Variants in RABGAP1L observed in about 807,000 individuals in gnomAD.
RABGAP1L encodes rab GTPase-activating protein 1-like.
RABGAP1L carries 63 observed loss-of-function variants against 137.7 expected under a neutral mutation model. The ratio of observed to expected loss-of-function variants is 0.46; its 90% CI spans 0.37 to 0.56. The LOEUF (loss-of-function observed/expected upper bound fraction) is 0.56. RABGAP1L is among the 20% of genes least tolerant of loss of function. The probability of loss-of-function intolerance (pLI) is 0.00; values close to 1 mark genes in which losing one functional copy is unlikely to be tolerated. For synonymous variants in RABGAP1L, 431 were observed against 433.7 expected (o/e 0.99, Z 0.08); for missense variants, 1,095 against 1,244.0 (o/e 0.88, Z 1.80).
intron 13 of RABGAP1L, among the ~76,000 whole-genome samples, chr1:174,615,911 C>A (rs1044624175): frequency 6.6e-6 from 1 of 152,220 alleles, no homozygotes; most frequent in African/African-American, 2.4e-5. Flanking sequence ...CCTGGTGCGC[C>A]GTTTTTTAAG....
intron 18 of RABGAP1L, among the ~76,000 whole-genome samples, chr1:174,779,685 C>CGAA (rs1686805286): frequency 6.6e-6 from 1 of 152,150 alleles, no homozygotes; most frequent in Non-Finnish European, 1.5e-5. Context: ...AGAAAGAAAT[C>CGAA]ATACTAACCC....
chr1:174,578,695 A>G (rs759166042), intron 13 of RABGAP1L, among the ~76,000 whole-genome samples: 1 of 152,186 alleles, frequency 6.6e-6, no homozygotes, highest in Non-Finnish European at 1.5e-5. Context: ...TAGTTTATGT[A>G]GTGGAATGGA....
chr1:174,420,259 T>G (rs1008359349), intron 13 of RABGAP1L, among the ~76,000 whole-genome samples: 1 of 151,298 alleles, frequency 6.6e-6, no homozygotes, highest in Non-Finnish European at 1.5e-5. Flanking sequence ...AAAGGTATTG[T>G]GACAAACAGC....
chr1:174,511,457 A>G (rs1327797482), intron 13 of RABGAP1L, among the ~76,000 whole-genome samples: 3 of 152,198 alleles, frequency 2.0e-5, no homozygotes, highest in Non-Finnish European at 2.9e-5. Flanking sequence ...AAATTAAGCC[A>G]TAATTTCTGC....
intron 18 of RABGAP1L, among the ~76,000 whole-genome samples, chr1:174,768,968 T>C (rs1211967100): frequency 6.6e-6 from 1 of 152,132 alleles, no homozygotes; most frequent in Non-Finnish European, 1.5e-5. Context: ...TCTTTTACCC[T>C]CTATCAGAAA....
chr1:174,533,023 G>A (rs1191738873), intron 13 of RABGAP1L, among the ~76,000 whole-genome samples: 1 of 152,034 alleles, frequency 6.6e-6, no homozygotes, highest in East Asian at 1.9e-4. Context: ...TCACGAGGTC[G>A]GGAGATCAAG....
chr1:174,267,815 A>G (rs1375087995), intron 7 of RABGAP1L, among the ~76,000 whole-genome samples: 1 of 152,226 alleles, frequency 6.6e-6, no homozygotes, highest in African/African-American at 2.4e-5. Flanking sequence ...ACTGAAAGTA[A>G]GAGAGTTTTT....
intron 14 of RABGAP1L, among the ~76,000 whole-genome samples, chr1:174,681,255 G>A (rs766981085): frequency 4.6e-5 from 7 of 152,112 alleles, no homozygotes; most frequent in East Asian, 1.9e-4. Context: ...ATCCACAAAC[G>A]CTGTGTATAT....
chr1:174,297,550 C>G lies in RABGAP1L; in HGVS notation c.1324-7436C>G, dbSNP rs188660302. The stretch of plus-strand genomic sequence containing the variant: ...GGCCCTTGCACCTGGCTGTCTCATT[C>G]CCCTCTCTAAAGAAGTATATCTAAC... On this transcript the variant is annotated intron_variant, in intron 10 of 25. Transcript: ENST00000681986. Among the ~76,000 whole-genome samples, 14 of 152,234 alleles carry G rather than the reference C, an allele frequency of 9.2e-5. No individual in the cohort carries two copies. In the East Asian group the frequency reaches 2.7e-3, roughly 29 times the overall value.
At chr1:174,371,608 G>T (rs548529465) in intron 12 of RABGAP1L, among the ~76,000 whole-genome samples, 2 of 151,986 alleles carry the variant, frequency 1.3e-5, no homozygotes, top group East Asian at 3.9e-4. Context: ...ATTATATTAA[G>T]TACTTTTTAT....
chr1:174,423,372 A>T (rs1219273360), intron 13 of RABGAP1L, among the ~76,000 whole-genome samples: 1 of 152,194 alleles, frequency 6.6e-6, no homozygotes, highest in African/African-American at 2.4e-5. Context: ...TATTGAATCA[A>T]CAAATAATGA....
At chr1:174,468,206 A>G (rs1287443334) in intron 13 of RABGAP1L, among the ~76,000 whole-genome samples, 1 of 152,092 alleles carries the variant, frequency 6.6e-6, no homozygotes, top group East Asian at 1.9e-4. Flanking sequence ...TTTATATTGT[A>G]TAGTCTAATG....
intron 1 of RABGAP1L, among the ~76,000 whole-genome samples, chr1:174,164,009 G>C (rs1047156666): frequency 2.0e-5 from 3 of 152,112 alleles, no homozygotes; most frequent in African/African-American, 7.2e-5. Context: ...AATTTTCTGT[G>C]TATCTGGGTA....
intron 19 of RABGAP1L, among the ~76,000 whole-genome samples, chr1:174,934,367 A>G (rs1040349642): frequency 2.0e-5 from 3 of 152,232 alleles, no homozygotes; most frequent in Non-Finnish European, 4.4e-5. Context: ...GATTACAGGC[A>G]TGAGCCACCA....
chr1:174,350,064 C>T lies in RABGAP1L; in HGVS notation c.1466-20915C>T, dbSNP rs1277874904. 2.2e-3 allele frequency among the ~76,000 whole-genome samples: 283 copies of T among 131,302 alleles called. 1 individual carries two copies. The highest frequency in any genetic ancestry group is 6.9e-3 in the African/African-American group (240 of 34,684). 86.1% of individuals were successfully genotyped at this position (131,302 alleles called of 152,430 possible). A position where few individuals can be genotyped will look rare whatever the true frequency, so the allele number is the denominator to read the frequency against. On this transcript the variant is annotated intron_variant, in intron 11 of 25. Transcript: ENST00000681986. ...GCAGAGGCGCCCCTCACCTCCCGGA[C>T]GGGGCGGCTGGCTGGGCGGGGGGCT...
chr1:174,328,899 C>T (rs1165802703), intron 11 of RABGAP1L, among the ~76,000 whole-genome samples: 7 of 151,586 alleles, frequency 4.6e-5, no homozygotes, highest in African/African-American at 1.7e-4. Flanking sequence ...GAAGAAAGAT[C>T]TCAAATAAAC....
intron 13 of RABGAP1L, among the ~76,000 whole-genome samples, chr1:174,478,744 G>T (rs1223105055): frequency 6.6e-6 from 1 of 152,230 alleles, no homozygotes; most frequent in East Asian, 1.9e-4. Context: ...TTAAATTAGA[G>T]ACCAATACAA....
chr1:174,720,483 T>G (rs1038203017), intron 17 of RABGAP1L, among the ~76,000 whole-genome samples: 6 of 152,042 alleles, frequency 3.9e-5, no homozygotes, highest in Admixed American at 2.0e-4. Flanking sequence ...GCCTGGCTAA[T>G]TTTTTAATTT....
chr1:174,955,609 A>G (rs1668395327), intron 19 of RABGAP1L, among the ~76,000 whole-genome samples: 1 of 152,246 alleles, frequency 6.6e-6, no homozygotes, highest in Admixed American at 6.5e-5. Context: ...ACCATATTTT[A>G]AACTCAACAA....
Sources: allele counts gnomAD v4.1 joint callset (sites outside exome capture counted in the v4.1 genomes callset), GRCh38; gene constraint gnomAD v4.1.1; transcripts MANE v1.5; gene names NCBI Gene and HGNC (gene_info 2026-07-23, HGNC 2026-07-21).